Variants in SEMA6D observed in about 807,000 individuals in gnomAD.
SEMA6D encodes the protein semaphorin 6D.
Under a neutral mutation model 106.6 loss-of-function variants are expected in SEMA6D, and 35 were observed. The ratio of observed to expected loss-of-function variants is 0.33; its 90% CI spans 0.25 to 0.44. SEMA6D has a LOEUF of 0.44. Ranked by LOEUF, SEMA6D falls within the 20% of genes least tolerant of loss-of-function variation. The probability of loss-of-function intolerance (pLI) is 1.00; values close to 1 mark genes in which losing one functional copy is unlikely to be tolerated. For missense variants in SEMA6D, 1,185 were observed against 1,345.9 expected (o/e 0.88, Z 1.87); for synonymous variants, 499 against 487.7 (o/e 1.02, Z -0.31).
chr15:47,552,792 T>TTA (rs377105227), intron 3 of SEMA6D, among the ~76,000 whole-genome samples: 36,956 of 61,600 alleles, frequency 0.6, 13,053 homozygotes, highest in South Asian at 0.7. Flanking sequence ...ATATATATTT[T>TTA]TATATATATA....
At chr15:47,677,364 A>G (rs2078267535) in intron 4 of SEMA6D, among the ~76,000 whole-genome samples, 1 of 152,140 alleles carries the variant, frequency 6.6e-6, no homozygotes, top group East Asian at 1.9e-4. Flanking sequence ...GCTGGGTTCC[A>G]AGAGGCATCC....
intron 3 of SEMA6D, among the ~76,000 whole-genome samples, chr15:47,598,098 A>AT (rs1445043946): frequency 6.6e-6 from 1 of 151,920 alleles, no homozygotes; most frequent in Non-Finnish European, 1.5e-5. Context: ...CTAAAAGGAG[A>AT]TTATACTGTA....
intron 1 of SEMA6D, among the ~76,000 whole-genome samples, chr15:47,365,232 T>A (rs2038968556): frequency 6.6e-6 from 1 of 152,166 alleles, no homozygotes; most frequent in African/African-American, 2.4e-5. Flanking sequence ...GGAAAGCCAA[T>A]TTTATTTATG....
intron 4 of SEMA6D, among the ~76,000 whole-genome samples, chr15:47,613,063 A>T (rs1288606133): frequency 6.6e-6 from 1 of 152,210 alleles, no homozygotes; most frequent in Non-Finnish European, 1.5e-5. Flanking sequence ...TGAGATAAAG[A>T]ATACATCTGA....
chr15:47,713,081 T>G (rs935887121), upstream of SEMA6D, among the ~76,000 whole-genome samples: 3 of 152,214 alleles, frequency 2.0e-5, no homozygotes, highest in Non-Finnish European at 4.4e-5. Flanking sequence ...AACAATATTT[T>G]TTTAAAGCCT....
intron 3 of SEMA6D, among the ~76,000 whole-genome samples, chr15:47,535,873 A>G (rs1031172628): frequency 6.6e-6 from 1 of 152,128 alleles, no homozygotes; most frequent in Non-Finnish European, 1.5e-5. Flanking sequence ...CAGGTAAGTG[A>G]AAGCAGCACA....
chr15:47,495,843 C>T (rs1197368621), intron 3 of SEMA6D, among the ~76,000 whole-genome samples: 2 of 151,982 alleles, frequency 1.3e-5, no homozygotes, highest in African/African-American at 4.8e-5. Context: ...TCATAAATTT[C>T]CAGAGTATTT....
intron 4 of SEMA6D, among the ~76,000 whole-genome samples, chr15:47,701,426 G>T (rs567229643): frequency 1.3e-5 from 2 of 152,052 alleles, no homozygotes; most frequent in Non-Finnish European, 2.9e-5. Context: ...GGAGGAATAC[G>T]TTCACTATAT....
chr15:47,453,637 C>CTGT (rs1232110127), intron 2 of SEMA6D, among the ~76,000 whole-genome samples: 18 of 151,916 alleles, frequency 1.2e-4, no homozygotes, highest in Admixed American at 1.2e-3. Context: ...CTTCCATGAA[C>CTGT]TAAAACCAAT....
chr15:47,336,933 G>A (rs916542419), intron 1 of SEMA6D, among the ~76,000 whole-genome samples: 1 of 152,142 alleles, frequency 6.6e-6, no homozygotes, highest in Non-Finnish European at 1.5e-5. Context: ...GGGTTGGACT[G>A]CATCCTGTTT....
intron 3 of SEMA6D, among the ~76,000 whole-genome samples, chr15:47,548,582 T>C (rs2045591462): frequency 6.6e-6 from 1 of 152,138 alleles, no homozygotes; most frequent in African/African-American, 2.4e-5. Context: ...AAAGCAAGCA[T>C]GAACACTCTT....
intron 4 of SEMA6D, among the ~76,000 whole-genome samples, chr15:47,689,558 C>T (rs2078540019): frequency 6.6e-6 from 1 of 152,222 alleles, no homozygotes; most frequent in Admixed American, 6.5e-5. Context: ...GCATTGCTTT[C>T]TTCAGGTCTT....
chr15:47,226,809 C>G (rs533158065), intron 1 of SEMA6D, among the ~76,000 whole-genome samples: 1 of 152,194 alleles, frequency 6.6e-6, no homozygotes, highest in South Asian at 2.1e-4. Context: ...CTGTAGTCTC[C>G]CTGTCTCTGC....
chr15:47,681,499 G>A (rs2078352243), intron 4 of SEMA6D, among the ~76,000 whole-genome samples: 2 of 152,172 alleles, frequency 1.3e-5, no homozygotes, highest in Admixed American at 1.3e-4. Context: ...AGTGATGCAA[G>A]ATGAAAAATT....
At chr15:47,381,269 C>A (rs1029358585) in intron 1 of SEMA6D, among the ~76,000 whole-genome samples, 5 of 152,212 alleles carry the variant, frequency 3.3e-5, no homozygotes, top group Non-Finnish European at 7.3e-5. Context: ...GAAATTTGAA[C>A]AATCCAATTA....
chr15:47,187,672 C>G (rs1283395416), intron 1 of SEMA6D, among the ~76,000 whole-genome samples: 6 of 152,068 alleles, frequency 3.9e-5, no homozygotes, highest in Non-Finnish European at 8.8e-5. Context: ...CCTTTTTCTT[C>G]TTCAAAATTA....
chr15:47,669,910 G>A (rs182752031), intron 4 of SEMA6D, among the ~76,000 whole-genome samples: 4 of 152,316 alleles, frequency 2.6e-5, no homozygotes, highest in Admixed American at 2.0e-4. Flanking sequence ...ATTGTTCTAG[G>A]AAATTGTGAG....
At chr15:47,221,386 A>C (rs183805334) in intron 1 of SEMA6D, among the ~76,000 whole-genome samples, 1 of 151,910 alleles carries the variant, frequency 6.6e-6, no homozygotes, top group African/African-American at 2.4e-5. Flanking sequence ...TGTTATTGCA[A>C]CTCCCTCGGT....
intron 1 of SEMA6D, among the ~76,000 whole-genome samples, chr15:47,291,927 G>A (rs918334951): frequency 4.6e-5 from 7 of 152,048 alleles, no homozygotes; most frequent in South Asian, 2.1e-4. Flanking sequence ...CTCTGTTCTC[G>A]CGTGAAATCA....
Sources: gnomAD v4.1 joint callset for allele counts (sites outside exome capture counted in the v4.1 genomes callset) on GRCh38, gnomAD v4.1.1 for gene constraint, MANE v1.5 for transcripts, NCBI Gene and HGNC (gene_info 2026-07-23, HGNC 2026-07-21) for gene names.